The following ZSWIM4 variants were observed in gnomAD, a reference collection of about 807,000 sequenced individuals.
ZSWIM4 encodes the protein zinc finger SWIM-type containing 4.
Under a neutral mutation model 102.5 loss-of-function variants are expected in ZSWIM4, and 62 were observed. That is an observed-to-expected ratio of 0.60 (90% confidence interval 0.49 to 0.75). The LOEUF (loss-of-function observed/expected upper bound fraction) is 0.75, where lower values mean the gene tolerates loss of function less well. Among genes scored for constraint, ZSWIM4 ranks in the 30% least tolerant of loss-of-function variants. ZSWIM4 has a pLI of 0.00. For missense variants in ZSWIM4, 1,280 were observed against 1,529.6 expected (o/e 0.84, Z 2.72); for synonymous variants, 652 against 674.5 (o/e 0.97, Z 0.52).
chr19:13,825,827 G>C lies in ZSWIM4; in HGVS notation c.2379+114G>C. The C allele has an allele frequency of 7.5e-7, 1 of 1,338,566 alleles. No individual in the cohort carries two copies. The highest frequency in any genetic ancestry group is 1.0e-6 in the Non-Finnish European group (1 of 999,554). 82.9% of individuals were successfully genotyped at this position (1,338,566 alleles called of 1,614,324 possible). ...TGTGAGCCACTTCGCTGGGGGCCCG[G>C]CATTTGCGTGAGCTATTCCTCTGTG... On this transcript the variant is annotated intron_variant, in intron 12 of 13. Transcript: ENST00000590508. This position sits in a 1 kb window ranked among gnomAD's most constrained non-coding sequence, Gnocchi z 4.6.
intron 8 of ZSWIM4, 126 bp downstream of exon 8, chr19:13,817,479 TACCTCCTCTGGCC>T (rs1975325399): frequency 7.5e-7 from 1 of 1,327,414 alleles, no homozygotes; most frequent in Admixed American, 2.4e-5. Flanking sequence ...TACCCTTGGC[TACCTCCTCTGGCC>T]AGTGCCCAGA....
chr19:13,799,114 C>G (rs571413788), intron 1 of ZSWIM4, among the ~76,000 whole-genome samples: 1 of 152,014 alleles, frequency 6.6e-6, no homozygotes, highest in Non-Finnish European at 1.5e-5. Flanking sequence ...GGATCTTGCT[C>G]TGTTGCCCAG....
chr19:13,807,008 T>A (rs1271995324), intron 3 of ZSWIM4, among the ~76,000 whole-genome samples: 2 of 151,724 alleles, frequency 1.3e-5, no homozygotes, highest in Non-Finnish European at 2.9e-5. Context: ...AATGGAAGCA[T>A]AGAGAGTTAG....
chr19:13,822,945 C>T (rs1473777154), intron 10 of ZSWIM4, among the ~76,000 whole-genome samples: 2 of 150,356 alleles, frequency 1.3e-5, no homozygotes, highest in Non-Finnish European at 2.9e-5. Flanking sequence ...CGCCATTGCA[C>T]GCCAGCCTGG....
rs556137448 is a variant in ZSWIM4, at chr19:13,817,535, C to A, written c.1669+182C>A. 4.6e-5 allele frequency among the ~76,000 whole-genome samples: 7 copies of A among 152,326 alleles called. No homozygotes were observed. The South Asian group carries it at 1.4e-3, about 32-fold the overall frequency. On this transcript the variant is annotated intron_variant, in intron 8 of 13. Coordinates refer to ENST00000590508, the MANE Select transcript of ZSWIM4 (RefSeq NM_001367834.3). The stretch of plus-strand genomic sequence containing the variant: ...GGCTTAGCTTCTCCTGAAAGTGAGG[C>A]CACCATAGGCCTAGCTGCTGCTAGA...
At chr19:13,812,128 G>A (rs1460118042) in intron 5 of ZSWIM4, among the ~76,000 whole-genome samples, 2 of 152,058 alleles carry the variant, frequency 1.3e-5, no homozygotes, top group African/African-American at 4.8e-5. Context: ...ATAAATCTTA[G>A]CGTGCAGGCT....
At chr19:13,822,859 A>G (rs1292641858) in intron 10 of ZSWIM4, among the ~76,000 whole-genome samples, 1 of 152,098 alleles carries the variant, frequency 6.6e-6, no homozygotes, top group African/African-American at 2.4e-5. Flanking sequence ...CACGCCTGTA[A>G]TCCCAGCTAC....
chr19:13,806,594 G>C (rs763361082), intron 3 of ZSWIM4, among the ~76,000 whole-genome samples: 6 of 151,698 alleles, frequency 4.0e-5, no homozygotes, highest in Non-Finnish European at 5.9e-5. Context: ...AGCGTGGGAG[G>C]TAAAGGCTGC....
At position 13,809,368 on chromosome 19, in the gene ZSWIM4, T is replaced by C; in HGVS notation, c.1012+148T>C. The C allele has an allele frequency of 1.8e-6, 2 of 1,128,400 alleles. No homozygotes were observed. The highest frequency in any genetic ancestry group is 1.6e-5 in the African/African-American group (1 of 63,762). 69.9% of individuals were successfully genotyped at this position (1,128,400 alleles called of 1,614,324 possible). A position where few individuals can be genotyped will look rare whatever the true frequency, so the allele number is the denominator to read the frequency against. On this transcript the variant is annotated intron_variant, in intron 5 of 13. Transcript: ENST00000590508. This position sits in a 1 kb window ranked among gnomAD's most constrained non-coding sequence, Gnocchi z 4.2. ...AGCGCCTCTAAAGTGCCAGGCATGG[T>C]ACTGGGCACTGGTGGTCCGGCAGAG...
rs2145235173 is a variant in ZSWIM4, at chr19:13,795,702, G to A, written c.54G>A (p.Glu18=). ...GGGGCTGCCCCGCGGGACCCGAGGA[G>A]CGCGATGCCGGGGCCGGGGCCGCGC... ...RSRGCPAGPE[E]RDAGAGAARG... Residue 18 remains glutamate, a synonymous_variant, in exon 1 of 14, where the codon GAG becomes GAA. Coordinates refer to ENST00000590508, the MANE Select transcript of ZSWIM4 (RefSeq NM_001367834.3). The A allele has an allele frequency of 1.7e-6, 2 of 1,159,626 alleles. No individual in the cohort carries two copies. Among genetic ancestry groups the A allele is most frequent in the African/African-American group, 1.6e-5 (1 of 62,438 alleles). The allele number at this position is 1,159,626 out of a possible 1,614,324, so 71.8% of individuals were successfully genotyped here. A position where few individuals can be genotyped will look rare whatever the true frequency, so the allele number is the denominator to read the frequency against.
At chr19:13,797,350 G>T (rs1200388083) in intron 1 of ZSWIM4, among the ~76,000 whole-genome samples, 4 of 152,114 alleles carry the variant, frequency 2.6e-5, no homozygotes, top group Non-Finnish European at 5.9e-5. Flanking sequence ...CCCCTCCTGG[G>T]GCCCCTTCCC....
At chr19:13,826,311 T>C (rs1233809790) in intron 12 of ZSWIM4, among the ~76,000 whole-genome samples, 2 of 151,056 alleles carry the variant, frequency 1.3e-5, no homozygotes, top group Non-Finnish European at 3.0e-5. Flanking sequence ...GTGGGTGAGT[T>C]TGAAGCTGAG....
At position 13,831,321 on chromosome 19, in the gene ZSWIM4, C is replaced by T. The variant is rs967727292; in HGVS notation, c.*271C>T. On this transcript the variant is annotated 3_prime_UTR_variant, in exon 14 of 14. Coordinates refer to ENST00000590508, the MANE Select transcript of ZSWIM4 (RefSeq NM_001367834.3). ...TGCTGGTATGACCCCACTTTGGGCA[C>T]CCCAAAAGCAATAGGCAAACTCCCC... 6 of 418,492 alleles carry T rather than the reference C, an allele frequency of 1.4e-5. No homozygotes were observed. The highest frequency in any genetic ancestry group is 2.5e-5 in the Non-Finnish European group (6 of 235,574). The allele number at this position is 418,492 out of a possible 1,614,324, so 25.9% of individuals were successfully genotyped here.
In ZSWIM4 at chr19:13,817,280, C is replaced by T. The variant is rs199514830; in HGVS notation, c.1596C>T (p.Asp532=). 17 of 1,613,976 alleles carry T rather than the reference C, an allele frequency of 1.1e-5. No homozygotes were observed. Among genetic ancestry groups the T allele is most frequent in the African/African-American group, 1.3e-5 (1 of 74,932 alleles). The stretch of plus-strand genomic sequence containing the variant: ...AAGGATGGGTGGGGCACCCCCTGGA[C>T]CCCATTGGCTGCCTCTGCAGGGCGC... ...NTEGWVGHPL[D]PIGCLCRALL... The change falls in exon 8 of 14, where the codon GAC becomes GAT. Residue 532 remains aspartate (D), a synonymous_variant. Coordinates refer to ENST00000590508, the MANE Select transcript of ZSWIM4 (RefSeq NM_001367834.3).
intron 5 of ZSWIM4, among the ~76,000 whole-genome samples, chr19:13,811,202 C>T (rs1975078964): frequency 6.6e-6 from 1 of 152,072 alleles, no homozygotes; most frequent in South Asian, 2.1e-4. Flanking sequence ...CATGAGCCAC[C>T]GCACCGGCCA....
rs1975748491 is a variant in ZSWIM4 at position 13,830,873 on chromosome 19, C to G, written c.3144C>G (p.Leu1048=). The part of the protein sequence containing the change: ...TAYITTSHSR[L]THISPRHYGD... The stretch of plus-strand genomic sequence containing the variant: ...ACATCACCACCAGCCACTCGCGCCT[C>G]ACGCACATCAGCCCGCGGCACTATG... The change falls in exon 14 of 14, where the codon CTC becomes CTG. Residue 1048 remains leucine, a synonymous_variant. Transcript: ENST00000590508. The G allele has an allele frequency of 1.2e-6, 2 of 1,614,104 alleles. No homozygotes were observed. Among genetic ancestry groups the G allele is most frequent in the Non-Finnish European group, 1.7e-6 (2 of 1,179,966 alleles).
At chr19:13,811,811 C>T (rs901038276) in intron 5 of ZSWIM4, among the ~76,000 whole-genome samples, 2 of 152,100 alleles carry the variant, frequency 1.3e-5, no homozygotes, top group African/African-American at 4.8e-5. Flanking sequence ...TGCAGTGGCT[C>T]ACACCTTAAT....
Position 13,809,743 on chromosome 19 carries a change from G to A in ZSWIM4, c.1012+523G>A, listed in dbSNP as rs572993620. ...CAGTCCTCTCACCCAGCCTCCCAAA[G>A]TACTGAGATGACATGCATGAGCCAC... On this transcript the variant is annotated intron_variant, in intron 5 of 13. Transcript: ENST00000590508. This position sits in a 1 kb window ranked among gnomAD's most constrained non-coding sequence, Gnocchi z 4.2. Among the ~76,000 whole-genome samples, 1 of 152,192 alleles carries A rather than the reference G, an allele frequency of 6.6e-6. No homozygotes were observed. The highest frequency in any genetic ancestry group is 6.6e-5 in the Admixed American group (1 of 15,248).
Position 13,830,289 on chromosome 19 carries a change from A to C in ZSWIM4, c.2560A>C (p.Thr854Pro). Reference protein sequence around the residue: ...IVAVTGTTHATLLRLQLDTSR... With the variant: ...IVAVTGTTHAPLLRLQLDTSR... ...GGCAGTGACGGGCACCACACACGCC[A>C]CTCTGCTGCGACTGCAGCTGGACAC... Residue 854 changes from threonine (T) to proline (P), a missense_variant, in exon 14 of 14, where the codon ACT (threonine) becomes CCT (proline). Physicochemically the swap from Thr to Pro is conservative, Grantham distance 38. Transcript: ENST00000590508. The C allele has an allele frequency of 6.2e-7, 1 of 1,613,608 alleles. No homozygotes were observed. Among genetic ancestry groups the C allele is most frequent in the Non-Finnish European group, 8.5e-7 (1 of 1,179,944 alleles).
Sources: gnomAD v4.1 joint callset for allele counts (sites outside exome capture counted in the v4.1 genomes callset) on GRCh38, gnomAD v4.1.1 for gene constraint, Gnocchi (gnomAD v3.1) non-coding constraint, MANE v1.5 for transcripts, NCBI Gene and HGNC (gene_info 2026-07-23, HGNC 2026-07-21) for gene names.